NLRC3: variants seen among roughly 807,000 people sequenced by gnomAD.
NLRC3 encodes the protein NLR family CARD domain-containing protein 3.
In NLRC3, 87 loss-of-function variants were observed where a neutral mutation model predicts 91.6. The observed-to-expected ratio is 0.95, with a 90% CI of 0.80 to 1.14. The LOEUF (loss-of-function observed/expected upper bound fraction) is 1.14, where lower values mean the gene tolerates loss of function less well. Among genes scored for constraint, NLRC3 ranks in the 50% most tolerant of loss-of-function variants. The pLI is 0.00. For synonymous variants in NLRC3, 694 were observed against 625.3 expected, an observed-to-expected ratio of 1.11 and a Z score of -1.64; for missense variants, 1,577 against 1,418.6, an observed-to-expected ratio of 1.11 and a Z score of -1.79.
At position 3,554,221 on chromosome 16, in the gene NLRC3, AGAG is replaced by A. The variant is rs761099568; in HGVS notation, c.2267+18_2267+20del. 141 of 1,563,440 alleles carry A rather than the reference AGAG, an allele frequency of 9.0e-5. No individual in the cohort carries two copies. The East Asian group carries it at 2.6e-3, about 29-fold the overall frequency. The stretch of plus-strand genomic sequence containing the variant: ...GAGGGAGAAGGGAGAGAAGGGGGAG[AGAG>A]GAGATGTGTTCACTCACTGCAGCAT... On this transcript the variant is annotated intron_variant, in intron 9 of 19. Coordinates refer to ENST00000359128, the MANE Select transcript of NLRC3 (RefSeq NM_178844.4).
intron 1 of NLRC3, among the ~76,000 whole-genome samples, chr16:3,570,894 A>T (rs1316493465): frequency 6.6e-6 from 1 of 152,176 alleles, no homozygotes; most frequent in Non-Finnish European, 1.5e-5. Context: ...CTCTCCTGGA[A>T]TCCATGAGCT....
At position 3,563,344 on chromosome 16, in the gene NLRC3, G is replaced by A. The variant is rs1417464729; in HGVS notation, c.1593C>T (p.Gly531=). The A allele has an allele frequency of 5.0e-6, 8 of 1,592,554 alleles. No individual in the cohort carries two copies. The African/African-American group carries it at 6.7e-5, about 13-fold the overall frequency. The change falls in exon 5 of 20, where the codon GGC becomes GGT. Residue 531 remains glycine, a synonymous_variant. Transcript: ENST00000359128. The part of the protein sequence containing the change: ...LSPRVNALLA[G]SLLAQGEHQA... ...GGTGCTCGCCTTGGGCCAGCAGGGAGCCGGCCAGGAGGGCATTGACCCTCG... is the reference window on the plus strand; with the variant it reads ...GGTGCTCGCCTTGGGCCAGCAGGGAACCGGCCAGGAGGGCATTGACCCTCG...
Position 3,565,065 on chromosome 16 carries a change from G to C in NLRC3, c.-24-5C>G, listed in dbSNP as rs751114739. The C allele has an allele frequency of 1.2e-6, 2 of 1,600,680 alleles. No homozygotes were observed. The highest frequency in any genetic ancestry group is 2.7e-5 in the African/African-American group (2 of 74,844). ...GTCGGGGATCACCTCCAGGAGCTGT[G>C]AAGAGAGGGCCTGAACCTGCTGCCT... is the stretch of plus-strand genomic sequence containing the variant. On this transcript the variant is annotated splice_polypyrimidine_tract_variant and splice_region_variant and intron_variant, in intron 3 of 19. Coordinates refer to ENST00000359128, the MANE Select transcript of NLRC3 (RefSeq NM_178844.4).
chr16:3,551,960 C>A (rs2039032492), intron 10 of NLRC3, among the ~76,000 whole-genome samples: 1 of 141,946 alleles, frequency 7.0e-6, no homozygotes, highest in South Asian at 2.4e-4. Flanking sequence ...CATCCGTCCA[C>A]TCATCAGTGT....
At chr16:3,575,835 C>T (rs1332363200) in intron 1 of NLRC3, among the ~76,000 whole-genome samples, 1 of 152,212 alleles carries the variant, frequency 6.6e-6, no homozygotes, top group African/African-American at 2.4e-5. Flanking sequence ...TGCTGGCTGC[C>T]TACCTGGGCT....
Position 3,561,719 on chromosome 16 carries a change from A to G in NLRC3, c.1998T>C (p.Cys666=), listed in dbSNP as rs565038541. 189 of 1,613,092 alleles carry G rather than the reference A, an allele frequency of 1.2e-4. 1 individual carries two copies. In the Admixed American group the frequency reaches 1.9e-3, roughly 17 times the overall value. ...TGTGTTACCTGATCTTCTGAATGCG[A>G]CAGTCCTTCCCACTCAGCACGCTGC... is the stretch of plus-strand genomic sequence containing the variant. ...LLGSVLSGKD[C]RIQKISLAEN... is the part of the protein sequence containing the mutation. Residue 666 remains cysteine (C), a synonymous_variant, in exon 6 of 20, where the codon TGT becomes TGC. Coordinates refer to ENST00000359128, the MANE Select transcript of NLRC3 (RefSeq NM_178844.4).
At chr16:3,562,407 G>A (rs2039652415) in intron 5 of NLRC3, among the ~76,000 whole-genome samples, 1 of 152,128 alleles carries the variant, frequency 6.6e-6, no homozygotes, top group South Asian at 2.1e-4. Flanking sequence ...TTGGGAGGCT[G>A]GGGTGGGCGG....
At chr16:3,559,687 G>A (rs868613380) in intron 6 of NLRC3, among the ~76,000 whole-genome samples, 3 of 143,936 alleles carry the variant, frequency 2.1e-5, no homozygotes, top group Non-Finnish European at 4.5e-5. Context: ...CACCTCGGCT[G>A]GAGTGCAGTG....
chr16:3,563,529 C>A lies in NLRC3; in HGVS notation c.1408G>T (p.Ala470Ser), dbSNP rs199475936. The A allele has an allele frequency of 1.8e-5, 29 of 1,606,870 alleles. No homozygotes were observed. The South Asian group carries it at 2.9e-4, about 16-fold the overall frequency. ...EFVAAAYYYG[A>S]SRRAIFDLFT... is the part of the protein sequence containing the mutation. ...AGGTCGAAGATGGCCCTCCTGGATG[C>A]GCCATAGTAATACGCGGCTGCCACA... is the stretch of plus-strand genomic sequence containing the variant. Residue 470 changes from alanine (A) to serine (S), a missense_variant, in exon 5 of 20, where the codon GCA becomes TCA. Physicochemically the swap from Ala to Ser is moderately conservative, Grantham distance 99. Coordinates refer to ENST00000359128, the MANE Select transcript of NLRC3 (RefSeq NM_178844.4).
chr16:3,573,641 C>T (rs535253963), intron 1 of NLRC3, among the ~76,000 whole-genome samples: 17 of 152,000 alleles, frequency 1.1e-4, no homozygotes, highest in Non-Finnish European at 2.5e-4. Flanking sequence ...CTGCTGGGGG[C>T]GGGAGTGGCC....
intron 1 of NLRC3, among the ~76,000 whole-genome samples, chr16:3,575,990 G>C (rs2151110970): frequency 6.6e-6 from 1 of 152,288 alleles, no homozygotes; most frequent in African/African-American, 2.4e-5. Context: ...CTTCCCGAAG[G>C]AAGAAGGAAG....
At chr16:3,554,139 G>T in intron 9 of NLRC3, 103 bp downstream of exon 9, 1 of 876,930 alleles carries the variant, frequency 1.1e-6, no homozygotes, top group Non-Finnish European at 1.9e-6. Flanking sequence ...AAGGCCTCAG[G>T]TCCTAGCCCC....
intron 8 of NLRC3, among the ~76,000 whole-genome samples, chr16:3,556,684 G>T (rs563871763): frequency 6.6e-6 from 1 of 152,248 alleles, no homozygotes; most frequent in Admixed American, 6.5e-5. Context: ...TTGTTTTTTA[G>T]TAGAGATGCC....
At position 3,564,872 on chromosome 16, in the gene NLRC3, C is replaced by A; in HGVS notation, c.165G>T (p.Gly55=). The A allele has an allele frequency of 6.2e-7, 1 of 1,606,642 alleles. No homozygotes were observed. The highest frequency in any genetic ancestry group is 8.5e-7 in the Non-Finnish European group (1 of 1,178,010). ...ALDRTPDAPL[G]PCSNDSRIQR... ...AGCCGGTCCTACCATTGCTGCAGGG[C>A]CCCAGCGGGGCATCCGGTGTCCTAT... The change falls in exon 4 of 20, where the codon GGG becomes GGT. Residue 55 remains glycine (G), a synonymous_variant. Transcript: ENST00000359128. The surrounding 1 kb of genome is among the most constrained non-coding windows in gnomAD (Gnocchi z 5.9).
At position 3,563,641 on chromosome 16, in the gene NLRC3, G is replaced by T; in HGVS notation, c.1296C>A (p.Gly432=). The change falls in exon 5 of 20, where the codon GGC becomes GGA. Residue 432 remains glycine, a synonymous_variant. Coordinates refer to ENST00000359128, the MANE Select transcript of NLRC3 (RefSeq NM_178844.4). ...AFGVDLALLQ[G]APCSCFLQRE... is the part of the protein sequence containing the mutation. ...TCTGCAGGAAGCAGCTGCACGGGGC[G>T]CCCTGCAGCAGAGCGAGGTCTACAC... 6.2e-7 allele frequency: 1 copy of T among 1,613,560 alleles called. No individual in the cohort carries two copies. The highest frequency in any genetic ancestry group is 8.5e-7 in the Non-Finnish European group (1 of 1,179,844).
chr16:3,556,420 G>C (rs1450919215), intron 8 of NLRC3, among the ~76,000 whole-genome samples: 1 of 149,830 alleles, frequency 6.7e-6, no homozygotes, highest in African/African-American at 2.5e-5. Flanking sequence ...CTCAAGTCTA[G>C]GGAAGAGCTG....
intron 6 of NLRC3, 42 bp from the exon 7 acceptor site, chr16:3,557,718 A>C (rs1319615770): frequency 2.8e-5 from 35 of 1,267,226 alleles, no homozygotes; most frequent in Non-Finnish European, 4.0e-5. Flanking sequence ...TTAGGCATGC[A>C]CATCTCATGG....
At chr16:3,552,810 T>C (rs2039084743) in intron 9 of NLRC3, among the ~76,000 whole-genome samples, 1 of 152,048 alleles carries the variant, frequency 6.6e-6, no homozygotes. Flanking sequence ...CGTGGTGGCA[T>C]ACACCTGTAA....
intron 1 of NLRC3, among the ~76,000 whole-genome samples, chr16:3,573,866 T>G (rs563333303): frequency 5.2e-4 from 79 of 152,248 alleles, no homozygotes; most frequent in African/African-American, 1.7e-3. Context: ...TTGCCCAGGC[T>G]GGAGTGCAGT....
Sources: allele counts gnomAD v4.1 joint callset (sites outside exome capture counted in the v4.1 genomes callset), GRCh38; gene constraint gnomAD v4.1.1; non-coding constraint Gnocchi (gnomAD v3.1); transcripts MANE v1.5; gene names NCBI Gene and HGNC (gene_info 2026-07-23, HGNC 2026-07-21).